Variants in CNTN5 observed in about 807,000 individuals in gnomAD.
The protein encoded by CNTN5 is contactin-5.
CNTN5 carries 77 observed loss-of-function variants against 129.1 expected under a neutral mutation model. The ratio of observed to expected loss-of-function variants is 0.60; its 90% CI spans 0.50 to 0.72. The LOEUF (loss-of-function observed/expected upper bound fraction) is 0.72, where lower values mean the gene tolerates loss of function less well. Ranked by LOEUF, CNTN5 falls within the 30% of genes least tolerant of loss-of-function variation. The pLI, the probability that CNTN5 is intolerant of heterozygous loss-of-function variation, is 0.00. For missense variants in CNTN5, 1,478 were observed against 1,328.8 expected (o/e 1.11, Z -1.75); for synonymous variants, 509 against 465.6 (o/e 1.09, Z -1.20).
intron 3 of CNTN5, among the ~76,000 whole-genome samples, chr11:99,759,500 T>A (rs1565498255): frequency 2.0e-5 from 3 of 151,886 alleles, no homozygotes; most frequent in African/African-American, 7.2e-5. Flanking sequence ...AGGGTGAAAA[T>A]TGTTAGGAAG....
intron 16 of CNTN5, among the ~76,000 whole-genome samples, chr11:100,231,865 C>G (rs960916451): frequency 9.9e-5 from 15 of 152,066 alleles, no homozygotes; most frequent in South Asian, 2.1e-4. Context: ...AATTAAAGAG[C>G]CTGTGAAGGC....
At chr11:99,667,656 G>A (rs1207650228) in intron 3 of CNTN5, among the ~76,000 whole-genome samples, 1 of 152,184 alleles carries the variant, frequency 6.6e-6, no homozygotes. Flanking sequence ...TGTCATGGAT[G>A]AAGCTGGAAG....
chr11:99,306,576 A>G (rs1423727548), intron 1 of CNTN5, among the ~76,000 whole-genome samples: 4 of 151,880 alleles, frequency 2.6e-5, no homozygotes, highest in Non-Finnish European at 5.9e-5. Flanking sequence ...TCTAACTTTT[A>G]GATATAAATT....
chr11:99,573,942 C>T (rs1286149771), intron 3 of CNTN5, among the ~76,000 whole-genome samples: 2 of 152,130 alleles, frequency 1.3e-5, no homozygotes, highest in African/African-American at 2.4e-5. Flanking sequence ...TTCTGGGATA[C>T]ATGTGCAGAA....
In CNTN5 at chr11:99,326,575, C is replaced by T. The variant is rs991401014; in HGVS notation, c.-71+1091C>T. Among the ~76,000 whole-genome samples, 5 of 152,166 alleles carry T rather than the reference C, an allele frequency of 3.3e-5. No individual in the cohort carries two copies. In the South Asian group the frequency reaches 1.0e-3, roughly 32 times the overall value. On this transcript the variant is annotated intron_variant, in intron 2 of 24. Transcript: ENST00000524871. The stretch of plus-strand genomic sequence containing the variant: ...CCACGATATGTGATTTTACTTTCTA[C>T]TAGCCACACTCAAATTCTAGCAGCT...
At chr11:99,544,592 A>G (rs1390228685) in intron 2 of CNTN5, among the ~76,000 whole-genome samples, 1 of 152,210 alleles carries the variant, frequency 6.6e-6, no homozygotes, top group African/African-American at 2.4e-5. Flanking sequence ...TTTTAAAGCC[A>G]TTTAACTAAC....
intron 13 of CNTN5, among the ~76,000 whole-genome samples, chr11:100,083,642 G>A (rs1355674313): frequency 6.6e-6 from 1 of 152,092 alleles, no homozygotes; most frequent in Non-Finnish European, 1.5e-5. Context: ...ATAGTTGAAT[G>A]AGAATGGGAA....
In CNTN5 at chr11:100,356,745, T is replaced by C. The variant is rs1449848641; in HGVS notation, c.*525T>C. The C allele has an allele frequency of 1.3e-5, 2 of 154,902 alleles. No individual in the cohort carries two copies. Among genetic ancestry groups the C allele is most frequent in the East Asian group, 3.8e-4 (2 of 5,220 alleles). The allele number at this position is 154,902 out of a possible 1,614,324, so 9.6% of individuals were successfully genotyped here. ...GTGATGTGGTCCATTATAAGATAAG[T>C]ACACAAAAATTTTCTTGAAAAATAT... On this transcript the variant is annotated 3_prime_UTR_variant, in exon 25 of 25. Coordinates refer to ENST00000524871, the MANE Select transcript of CNTN5 (RefSeq NM_014361.4).
intron 2 of CNTN5, among the ~76,000 whole-genome samples, chr11:99,408,405 G>GA (rs1942195554): frequency 1.0e-5 from 1 of 98,688 alleles, no homozygotes; most frequent in African/African-American, 3.7e-5. Flanking sequence ...AGAAAGAAGA[G>GA]AGAGAAAGAA....
intron 13 of CNTN5, among the ~76,000 whole-genome samples, chr11:100,117,947 A>G (rs1360487429): frequency 1.3e-5 from 2 of 151,814 alleles, no homozygotes; most frequent in East Asian, 3.9e-4. Flanking sequence ...ACTCTGTGAT[A>G]CTGATTTGGC....
intron 1 of CNTN5, among the ~76,000 whole-genome samples, chr11:99,139,523 C>T (rs1048793785): frequency 5.3e-5 from 8 of 152,058 alleles, no homozygotes; most frequent in Non-Finnish European, 1.0e-4. Context: ...AGTAGAGACC[C>T]GAGCCGTTCA....
chr11:99,658,493 G>T (rs892455127), intron 3 of CNTN5, among the ~76,000 whole-genome samples: 7 of 151,974 alleles, frequency 4.6e-5, no homozygotes, highest in African/African-American at 1.7e-4. Context: ...CCAATCTACA[G>T]AGTATATAGT....
At chr11:99,330,102 A>T (rs1865940572) in intron 2 of CNTN5, among the ~76,000 whole-genome samples, 1 of 147,650 alleles carries the variant, frequency 6.8e-6, no homozygotes, top group South Asian at 2.3e-4. Context: ...AAGGAAAAGA[A>T]GTACATCAGG....
At chr11:99,916,182 C>A (rs1949785884) in intron 7 of CNTN5, 33 bp downstream of exon 7, 1 of 1,535,950 alleles carries the variant, frequency 6.5e-7, no homozygotes, top group Non-Finnish European at 9.0e-7. Flanking sequence ...GCTGCTGCTG[C>A]TGCTCTCTTT....
chr11:100,103,405 A>G (rs912569111), intron 13 of CNTN5, among the ~76,000 whole-genome samples: 1 of 152,174 alleles, frequency 6.6e-6, no homozygotes, highest in African/African-American at 2.4e-5. Flanking sequence ...GGAGCGCATC[A>G]TGTACTAATG....
intron 1 of CNTN5, among the ~76,000 whole-genome samples, chr11:99,197,972 C>A (rs1374080979): frequency 6.6e-6 from 1 of 152,042 alleles, no homozygotes; most frequent in African/African-American, 2.4e-5. Context: ...CTCTGATTGG[C>A]AAATTATTTA....
At chr11:99,706,893 G>A (rs622821) in intron 3 of CNTN5, among the ~76,000 whole-genome samples, 52,133 of 149,082 alleles carry the variant, frequency 0.35, 9,232 homozygotes, top group Middle Eastern at 0.43. Context: ...AGACTCTAGT[G>A]TAATCAGAGT....
At chr11:99,068,385 T>C (rs1001754864) in intron 1 of CNTN5, among the ~76,000 whole-genome samples, 1 of 152,162 alleles carries the variant, frequency 6.6e-6, no homozygotes, top group African/African-American at 2.4e-5. Context: ...ACATTTTAGA[T>C]GAAAGCGGAG....
chr11:100,267,879 T>C (rs1950336901), intron 17 of CNTN5, among the ~76,000 whole-genome samples: 1 of 152,136 alleles, frequency 6.6e-6, no homozygotes, highest in Non-Finnish European at 1.5e-5. Context: ...GAAGCTGTTA[T>C]TATGATTGAG....
Sources: allele counts gnomAD v4.1 joint callset (sites outside exome capture counted in the v4.1 genomes callset), GRCh38; gene constraint gnomAD v4.1.1; transcripts MANE v1.5; gene names NCBI Gene and HGNC (gene_info 2026-07-23, HGNC 2026-07-21).